The following EHD4 variants were observed in gnomAD, a reference collection of about 807,000 sequenced individuals.
EHD4 encodes EH domain-containing protein 4.
Under a neutral mutation model 51.0 loss-of-function variants are expected in EHD4, and 37 were observed. The observed-to-expected ratio is 0.73, with a 90% CI of 0.56 to 0.95. EHD4 has a LOEUF of 0.95. EHD4 is among the 40% of genes least tolerant of loss of function. The pLI, the probability that EHD4 is intolerant of heterozygous loss-of-function variation, is 0.00. For synonymous variants in EHD4, 297 were observed against 317.3 expected, an observed-to-expected ratio of 0.94 and a Z score of 0.68; for missense variants, 632 against 733.1, an observed-to-expected ratio of 0.86 and a Z score of 1.59.
intron 3 of EHD4, among the ~76,000 whole-genome samples, chr15:41,922,550 C>T (rs190199275): frequency 1.1e-4 from 17 of 152,338 alleles, no homozygotes; most frequent in Middle Eastern, 3.4e-3. Flanking sequence ...CCAACCCTGC[C>T]GTGCTTGTGC....
At chr15:41,901,929 T>C (rs1286734556) in intron 5 of EHD4, among the ~76,000 whole-genome samples, 2 of 152,190 alleles carry the variant, frequency 1.3e-5, no homozygotes, top group Non-Finnish European at 2.9e-5. Flanking sequence ...ATGAATCCAC[T>C]GTCATTTCTA....
rs762032031 is a variant in EHD4, at chr15:41,942,978, T to G, written c.511+89A>C. The G allele has an allele frequency of 1.0e-3, 1,298 of 1,270,614 alleles. 2 individuals carry two copies. The highest frequency in any genetic ancestry group is 1.3e-3 in the Non-Finnish European group (1,133 of 904,264). The allele number at this position is 1,270,614 out of a possible 1,614,324, so 78.7% of individuals were successfully genotyped here. On this transcript the variant is annotated intron_variant, in intron 3 of 5. Coordinates refer to ENST00000220325, the MANE Select transcript of EHD4 (RefSeq NM_139265.4). Reference sequence around the variant, plus strand: ...CCCAACAGCTGTCCTGGAGGACGGATAGAATAATATAGGGACAGAAATCCT... The same window carrying G: ...CCCAACAGCTGTCCTGGAGGACGGAGAGAATAATATAGGGACAGAAATCCT...
rs1183451540 is a variant in EHD4 at position 41,897,318 on chromosome 15, G to A, written c.*3327C>T. On this transcript the variant is annotated 3_prime_UTR_variant, in exon 6 of 6. Transcript: ENST00000220325. ...CATGAAGGAGGGTGAGCGAGGGTGC[G>A]AGGTGGAAAGGTCCAGGCCGCGGCT... 2.6e-5 allele frequency: 4 copies of A among 152,246 alleles called. No homozygotes were observed. Among genetic ancestry groups the A allele is most frequent in the Non-Finnish European group, 4.4e-5 (3 of 68,054 alleles). The allele number at this position is 152,246 out of a possible 1,614,324, so 9.4% of individuals were successfully genotyped here.
chr15:41,915,973 A>T (rs1566817770), intron 4 of EHD4, among the ~76,000 whole-genome samples: 1 of 152,222 alleles, frequency 6.6e-6, no homozygotes, highest in African/African-American at 2.4e-5. Context: ...TACTTTTCAT[A>T]TTATTAAAAT....
rs2067466780 is a variant in EHD4 at position 41,900,270 on chromosome 15, C to A, written c.*375G>T. 2 of 226,892 alleles carry A rather than the reference C, an allele frequency of 8.8e-6. No individual in the cohort carries two copies. Among genetic ancestry groups the A allele is most frequent in the Middle Eastern group, 1.4e-3 (1 of 724 alleles). The allele number at this position is 226,892 out of a possible 1,614,324, so 14.1% of individuals were successfully genotyped here. On this transcript the variant is annotated 3_prime_UTR_variant, in exon 6 of 6. Transcript: ENST00000220325. The surrounding 1 kb of genome is among the most constrained non-coding windows in gnomAD (Gnocchi z 4.8). ...CAGAGTTGTTCATGAGGACAAAAAG[C>A]CCAGGCAGCCTGGAGACCCAGCTGC... is the stretch of plus-strand genomic sequence containing the variant.
intron 1 of EHD4, among the ~76,000 whole-genome samples, chr15:41,970,085 T>C (rs2067986280): frequency 6.6e-6 from 1 of 152,100 alleles, no homozygotes. Context: ...TCATTTACAG[T>C]GTCTGGGGTG....
intron 3 of EHD4, among the ~76,000 whole-genome samples, chr15:41,940,515 CT>C (rs2067762545): frequency 6.6e-6 from 1 of 152,222 alleles, no homozygotes; most frequent in South Asian, 2.1e-4. Context: ...AGCTGCGCCC[CT>C]AACACCGTGT....
chr15:41,953,972 C>T, intron 1 of EHD4, 32 bp from the exon 2 acceptor site: 1 of 1,600,802 alleles, frequency 6.2e-7, no homozygotes, highest in Non-Finnish European at 8.5e-7. Context: ...GAAAGCTTAG[C>T]ATCTTATCAC....
chr15:41,904,368 A>G (rs537649181), intron 5 of EHD4, among the ~76,000 whole-genome samples: 2 of 152,070 alleles, frequency 1.3e-5, no homozygotes, highest in Admixed American at 6.5e-5. Context: ...GGTCCCCCCC[A>G]GGCTTGACCG....
At chr15:41,943,269 G>A in intron 2 of EHD4, 105 bp from the exon 3 acceptor site, 1 of 811,486 alleles carries the variant, frequency 1.2e-6, no homozygotes, top group East Asian at 2.8e-5. Context: ...TGTAAAGTGG[G>A]GGCCTGAAGG....
chr15:41,907,878 T>TGTGTGTA (rs1567243923), intron 5 of EHD4, among the ~76,000 whole-genome samples: 6 of 134,016 alleles, frequency 4.5e-5, no homozygotes, highest in Non-Finnish European at 8.2e-5. Flanking sequence ...GTGTATATAT[T>TGTGTGTA]TATTTATTTT....
chr15:41,902,962 G>C (rs1484269331), intron 5 of EHD4, among the ~76,000 whole-genome samples: 3 of 151,464 alleles, frequency 2.0e-5, no homozygotes, highest in Non-Finnish European at 4.4e-5. Flanking sequence ...GACCCTCACT[G>C]TCTAAGGAGA....
chr15:41,919,738 A>G, intron 3 of EHD4, 116 bp from the exon 4 acceptor site: 3 of 1,023,020 alleles, frequency 2.9e-6, no homozygotes, highest in Non-Finnish European at 3.9e-6. Flanking sequence ...CCTGTCTCCA[A>G]CCTGGAGGCA....
intron 3 of EHD4, among the ~76,000 whole-genome samples, chr15:41,938,403 G>A (rs1043534934): frequency 8.5e-5 from 13 of 152,174 alleles, no homozygotes; most frequent in African/African-American, 2.9e-4. Flanking sequence ...GTTATTGCCC[G>A]TCATGTTACC....
intron 1 of EHD4, among the ~76,000 whole-genome samples, chr15:41,963,085 C>T (rs1266705305): frequency 5.9e-5 from 9 of 152,112 alleles, no homozygotes; most frequent in Admixed American, 1.3e-4. Context: ...AAACAGATGC[C>T]TGAAGGCAGC....
At chr15:41,943,983 C>T (rs2067794782) in intron 2 of EHD4, among the ~76,000 whole-genome samples, 3 of 152,224 alleles carry the variant, frequency 2.0e-5, no homozygotes, top group African/African-American at 7.2e-5. Flanking sequence ...TCTTGTTCCT[C>T]ATTTGCCTGA....
Position 41,900,890 on chromosome 15 carries a change from T to C in EHD4, c.1381A>G (p.Ile461Val). The change falls in exon 6 of 6, where the codon ATC becomes GTC. Residue 461 changes from isoleucine (I) to valine (V), a missense_variant. Physicochemically the swap from Ile to Val is conservative, Grantham distance 29. Coordinates refer to ENST00000220325, the MANE Select transcript of EHD4 (RefSeq NM_139265.4). This position sits in a 1 kb window ranked among gnomAD's most constrained non-coding sequence, Gnocchi z 4.8. ...TTGACACCTGATATCTTGCCATTGA[T>C]GGGCGACAGAGTGTAGAAGAGCTCG... Reference protein sequence around the residue: ...YDELFYTLSPINGKISGVNAK... With the variant: ...YDELFYTLSPVNGKISGVNAK... 6.2e-7 allele frequency: 1 copy of C among 1,614,160 alleles called. No homozygotes were observed. The highest frequency in any genetic ancestry group is 8.5e-7 in the Non-Finnish European group (1 of 1,180,042).
intron 4 of EHD4, among the ~76,000 whole-genome samples, chr15:41,910,757 C>G (rs767021029): frequency 3.3e-5 from 5 of 151,968 alleles, no homozygotes; most frequent in Non-Finnish European, 7.4e-5. Flanking sequence ...TTAGTAGAGA[C>G]GGGGTTTCAC....
rs1410699283 is a variant in EHD4 at position 41,900,729 on chromosome 15, C to G, written c.1542G>C (p.Lys514Asn). 6.2e-7 allele frequency: 1 copy of G among 1,612,860 alleles called. No homozygotes were observed. Among genetic ancestry groups the G allele is most frequent in the Admixed American group, 1.7e-5 (1 of 60,028 alleles). ...TGCTGGGCAGCTCGTAGCCGTCGAG[C>G]TTGATCTTGATGAGGTGCTTGGCCA... ...FALAKHLIKI[K>N]LDGYELPSSL... is the part of the protein sequence containing the mutation. Residue 514 changes from lysine (K) to asparagine (N), a missense_variant, in exon 6 of 6, where the codon AAG becomes AAC. Physicochemically the swap from Lys to Asn is moderately conservative, Grantham distance 94. Coordinates refer to ENST00000220325, the MANE Select transcript of EHD4 (RefSeq NM_139265.4). This position sits in a 1 kb window ranked among gnomAD's most constrained non-coding sequence, Gnocchi z 4.8.
Sources: gnomAD v4.1 joint callset for allele counts (sites outside exome capture counted in the v4.1 genomes callset) on GRCh38, gnomAD v4.1.1 for gene constraint, Gnocchi (gnomAD v3.1) non-coding constraint, MANE v1.5 for transcripts, NCBI Gene and HGNC (gene_info 2026-07-23, HGNC 2026-07-21) for gene names.